The following TCF7L2 variants were observed in gnomAD, a reference collection of about 807,000 sequenced individuals.
TCF7L2 encodes the protein transcription factor 7-like 2.
Under a neutral mutation model 77.9 loss-of-function variants are expected in TCF7L2, and 23 were observed. The observed-to-expected ratio is 0.30, with a 90% CI of 0.21 to 0.42. The LOEUF is 0.42. Ranked by LOEUF, TCF7L2 falls within the 10% of genes least tolerant of loss-of-function variation. The probability of loss-of-function intolerance (pLI) is 1.00; values close to 1 mark genes in which losing one functional copy is unlikely to be tolerated. For missense variants in TCF7L2, 654 were observed against 793.1 expected (o/e 0.82, Z 2.11); for synonymous variants, 413 against 340.2 (o/e 1.21, Z -2.36).
chr10:112,975,076 A>G (rs115496907), intron 4 of TCF7L2, among the ~76,000 whole-genome samples: 3,587 of 151,956 alleles, frequency 0.024, 141 homozygotes, highest in African/African-American at 0.079. Flanking sequence ...CACCAAAACC[A>G]CTGGTTGGAT....
chr10:113,095,902 T>C (rs2060908936), intron 5 of TCF7L2, among the ~76,000 whole-genome samples: 1 of 152,182 alleles, frequency 6.6e-6, no homozygotes, highest in Non-Finnish European at 1.5e-5. Context: ...TACCTCCCTT[T>C]TCCCCTTTCG....
intron 4 of TCF7L2, among the ~76,000 whole-genome samples, chr10:112,989,769 G>A (rs2042198960): frequency 6.6e-6 from 1 of 152,182 alleles, no homozygotes. Flanking sequence ...GGACCAAGGT[G>A]GGGTAGATGA....
At chr10:113,077,487 C>G (rs1455615042) in intron 5 of TCF7L2, among the ~76,000 whole-genome samples, 1 of 152,132 alleles carries the variant, frequency 6.6e-6, no homozygotes, top group East Asian at 1.9e-4. Flanking sequence ...CTCTCACTCC[C>G]CATTTCCCCC....
intron 4 of TCF7L2, among the ~76,000 whole-genome samples, chr10:112,991,039 C>G (rs1309438723): frequency 6.6e-6 from 1 of 152,194 alleles, no homozygotes; most frequent in Non-Finnish European, 1.5e-5. Context: ...AACTCTCAGC[C>G]TCTGGATCCC....
At chr10:113,039,925 C>A in intron 4 of TCF7L2, 100 bp from the exon 5 acceptor site, 1 of 957,292 alleles carries the variant, frequency 1.0e-6, no homozygotes. Context: ...GTATGTTTTT[C>A]AGTTTCTGAC....
At chr10:113,108,622 G>T (rs143817899) in intron 5 of TCF7L2, among the ~76,000 whole-genome samples, 172 of 152,262 alleles carry the variant, frequency 1.1e-3, no homozygotes, top group Middle Eastern at 3.4e-3. Flanking sequence ...TGAGAGGTTG[G>T]GCAAGGTCAG....
chr10:113,167,568 C>A lies in TCF7L2; in HGVS notation c.*1596C>A. ...CCGTTTTATGCTCTTATTCCAAGTT[C>A]ATTTTTAATGGTTTGGAAGCCATTT... On this transcript the variant is annotated 3_prime_UTR_variant, in exon 14 of 14. Coordinates refer to ENST00000627217, the MANE Select transcript of TCF7L2 (RefSeq NM_001146274.2). The A allele has an allele frequency of 4.8e-6, 1 of 208,718 alleles. No homozygotes were observed. The highest frequency in any genetic ancestry group is 9.8e-6 in the Non-Finnish European group (1 of 102,524). 12.9% of individuals were successfully genotyped at this position (208,718 alleles called of 1,614,324 possible).
chr10:113,089,530 G>T (rs1382698647), intron 5 of TCF7L2: 1 of 1,613,716 alleles, frequency 6.2e-7, no homozygotes, highest in Non-Finnish European at 8.5e-7. Flanking sequence ...GGGGAGCCCT[G>T]GTGTATTGAG....
At chr10:113,046,389 A>G (rs974726492) in intron 5 of TCF7L2, among the ~76,000 whole-genome samples, 1 of 151,928 alleles carries the variant, frequency 6.6e-6, no homozygotes, top group Admixed American at 6.6e-5. Context: ...ACTTCCAGAG[A>G]TGGGGGCTCT....
At chr10:113,033,408 G>A (rs1021028951) in intron 4 of TCF7L2, among the ~76,000 whole-genome samples, 14 of 151,734 alleles carry the variant, frequency 9.2e-5, no homozygotes, top group African/African-American at 1.2e-4. Flanking sequence ...ACAGGCACGC[G>A]CCACCACACT....
rs974837032 is a variant in TCF7L2, at chr10:113,073,810, G to T, written c.552+33684G>T. 3.9e-5 allele frequency among the ~76,000 whole-genome samples: 6 copies of T among 152,244 alleles called. No homozygotes were observed. In the East Asian group the frequency reaches 1.2e-3, roughly 29 times the overall value. On this transcript the variant is annotated intron_variant, in intron 5 of 13. Coordinates refer to ENST00000627217, the MANE Select transcript of TCF7L2 (RefSeq NM_001146274.2). ...GGGCCTCAGTGTGACTCACCACACC[G>T]GACTGCCTGGCCCTGCTGCCTGCCG...
At chr10:112,989,693 TA>T (rs2042184166) in intron 4 of TCF7L2, among the ~76,000 whole-genome samples, 1 of 152,196 alleles carries the variant, frequency 6.6e-6, no homozygotes, top group Non-Finnish European at 1.5e-5. Context: ...TTGCTGTGGG[TA>T]ACCTTTTCTA....
At chr10:113,126,040 C>G (rs140122248) in intron 5 of TCF7L2, 1 of 151,316 alleles carries the variant, frequency 6.6e-6, no homozygotes, top group Non-Finnish European at 1.5e-5. Context: ...TTAGAAGACG[C>G]GCAGCGGTGG....
chr10:113,006,811 G>A (rs2045633858), intron 4 of TCF7L2, among the ~76,000 whole-genome samples: 1 of 152,166 alleles, frequency 6.6e-6, no homozygotes, highest in Admixed American at 6.5e-5. Context: ...CCCAGGACAG[G>A]GCTGTGCTGC....
intron 4 of TCF7L2, among the ~76,000 whole-genome samples, chr10:113,002,514 C>T (rs914922622): frequency 3.0e-4 from 46 of 152,214 alleles, no homozygotes; most frequent in Middle Eastern, 3.4e-3. Context: ...GTCACTAGTG[C>T]TGCAGTGGAG....
At chr10:112,990,534 C>G (rs182478672) in intron 4 of TCF7L2, among the ~76,000 whole-genome samples, 2 of 151,960 alleles carry the variant, frequency 1.3e-5, no homozygotes, top group African/African-American at 2.4e-5. Flanking sequence ...TGGCAAAACC[C>G]TGTCTCTACA....
At chr10:113,099,772 T>C (rs1385491292) in intron 5 of TCF7L2, among the ~76,000 whole-genome samples, 1 of 152,146 alleles carries the variant, frequency 6.6e-6, no homozygotes. Context: ...AATTCCTGTC[T>C]TTGTAATTAC....
chr10:113,120,880 A>C (rs1171596607), intron 5 of TCF7L2, among the ~76,000 whole-genome samples: 2 of 152,228 alleles, frequency 1.3e-5, no homozygotes, highest in Non-Finnish European at 2.9e-5. Context: ...GCTCAGAAAA[A>C]TAATGTCTGA....
Position 113,002,863 on chromosome 10 carries a change from C to G in TCF7L2, c.451-37162C>G, listed in dbSNP as rs7910244. ...GATGTGTTGAAGAAGTCAAAGTTCA[C>G]CATCCCTTTAGATAGAATCATTTTG... On this transcript the variant is annotated intron_variant, in intron 4 of 13. Coordinates refer to ENST00000627217, the MANE Select transcript of TCF7L2 (RefSeq NM_001146274.2). Among the ~76,000 whole-genome samples the G allele has an allele frequency of 2.6e-3, 395 of 152,310 alleles. 6 individuals carry two copies. The highest frequency in any genetic ancestry group is 9.2e-3 in the African/African-American group (384 of 41,564).
Sources: gnomAD v4.1 joint callset for allele counts (sites outside exome capture counted in the v4.1 genomes callset) on GRCh38, gnomAD v4.1.1 for gene constraint, MANE v1.5 for transcripts, NCBI Gene and HGNC (gene_info 2026-07-23, HGNC 2026-07-21) for gene names.